FLRT2: variants seen among roughly 807,000 people sequenced by gnomAD.
FLRT2 encodes the protein fibronectin leucine rich transmembrane protein 2.
Under a neutral mutation model 40.0 loss-of-function variants are expected in FLRT2, and 15 were observed. The ratio of observed to expected loss-of-function variants is 0.38; its 90% CI spans 0.25 to 0.58. FLRT2 has a LOEUF of 0.58. FLRT2 is among the 20% of genes least tolerant of loss of function. The pLI is 0.71. For synonymous variants in FLRT2, 380 were observed against 336.8 expected (o/e 1.13, Z -1.41); for missense variants, 726 against 840.0 (o/e 0.86, Z 1.68).
chr14:85,630,557 G>T lies in FLRT2; in HGVS notation c.*7060G>T, dbSNP rs1051349387. ...TGCAGAATAAGAATGTTTTCCAGGA[G>T]AGTTAAATTTTGCTCATCAAAAATC... On this transcript the variant is annotated 3_prime_UTR_variant, in exon 2 of 2. Transcript: ENST00000330753. The T allele has an allele frequency of 6.6e-6, 1 of 152,114 alleles. No individual in the cohort carries two copies. The highest frequency in any genetic ancestry group is 2.4e-5 in the African/African-American group (1 of 41,414). 9.4% of individuals were successfully genotyped at this position (152,114 alleles called of 1,614,324 possible).
intron 1 of FLRT2, among the ~76,000 whole-genome samples, chr14:85,543,450 G>A (rs575113480): frequency 5.3e-5 from 8 of 151,952 alleles, no homozygotes; most frequent in African/African-American, 1.7e-4. Flanking sequence ...GGTAGCGGCA[G>A]TCTCCTGTCT....
At chr14:85,586,552 T>A (rs1891623198) in intron 1 of FLRT2, among the ~76,000 whole-genome samples, 1 of 151,866 alleles carries the variant, frequency 6.6e-6, no homozygotes, top group Admixed American at 6.6e-5. Context: ...AATGAACACT[T>A]AAAAAAAGAA....
At chr14:85,574,272 G>C (rs943342091) in intron 1 of FLRT2, among the ~76,000 whole-genome samples, 1 of 150,894 alleles carries the variant, frequency 6.6e-6, no homozygotes, top group Non-Finnish European at 1.5e-5. Flanking sequence ...ATGTATAATA[G>C]TATATTTAAT....
rs1447268073 is a variant in FLRT2, at chr14:85,650,838, A to C, written c.*27341A>C. 6.6e-6 allele frequency: 1 copy of C among 151,268 alleles called. No homozygotes were observed. Among genetic ancestry groups the C allele is most frequent in the Non-Finnish European group, 1.5e-5 (1 of 67,786 alleles). 9.4% of individuals were successfully genotyped at this position (151,268 alleles called of 1,614,324 possible). ...CTATATTCTTTGCAATAATTATTAAAATTTTCTTTTTCTTTTCTTTTTTTA... is the reference window on the plus strand; with the variant it reads ...CTATATTCTTTGCAATAATTATTAACATTTTCTTTTTCTTTTCTTTTTTTA... On this transcript the variant is annotated 3_prime_UTR_variant, in exon 2 of 2. Coordinates refer to ENST00000330753, the MANE Select transcript of FLRT2 (RefSeq NM_013231.6).
chr14:85,544,921 A>G (rs1310650437), intron 1 of FLRT2, among the ~76,000 whole-genome samples: 1 of 152,144 alleles, frequency 6.6e-6, no homozygotes, highest in Admixed American at 6.5e-5. Context: ...GGCTGAAAAG[A>G]GTAGAAGAGG....
chr14:85,607,576 G>A (rs1892677885), intron 1 of FLRT2, among the ~76,000 whole-genome samples: 1 of 152,132 alleles, frequency 6.6e-6, no homozygotes, highest in Non-Finnish European at 1.5e-5. Flanking sequence ...TTTTGGGGAG[G>A]CCTGGAAGCT....
In FLRT2 at chr14:85,623,141, C is replaced by T. The variant is rs759837887; in HGVS notation, c.1627C>T (p.Leu543=). 18 of 1,599,174 alleles carry T rather than the reference C, an allele frequency of 1.1e-5. No individual in the cohort carries two copies. The highest frequency in any genetic ancestry group is 2.7e-5 in the African/African-American group (2 of 74,402). Residue 543 remains leucine, a synonymous_variant, in exon 2 of 2, where the codon CTG becomes TTG. Coordinates refer to ENST00000330753, the MANE Select transcript of FLRT2 (RefSeq NM_013231.6). ...TSHSMGSPFL[L]AGLIGGAVIF... ...CCACAGCATGGGCTCCCCCTTTCTG[C>T]TGGCGGGCTTGATCGGGGGCGCGGT...
chr14:85,590,567 T>C (rs1423752811), intron 1 of FLRT2, among the ~76,000 whole-genome samples: 2 of 152,026 alleles, frequency 1.3e-5, no homozygotes, highest in Non-Finnish European at 2.9e-5. Context: ...GGAGAAGGGA[T>C]AGAGTAAGGA....
intron 1 of FLRT2, among the ~76,000 whole-genome samples, chr14:85,595,921 G>A (rs540412301): frequency 6.6e-6 from 1 of 152,198 alleles, no homozygotes; most frequent in Non-Finnish European, 1.5e-5. Flanking sequence ...CGGGCAAGAA[G>A]TGATCGTGTT....
chr14:85,540,906 G>A (rs1888948957), intron 1 of FLRT2, among the ~76,000 whole-genome samples: 2 of 152,072 alleles, frequency 1.3e-5, no homozygotes, highest in South Asian at 4.1e-4. Flanking sequence ...CTTTAAAGAG[G>A]TCTACTAATA....
intron 1 of FLRT2, among the ~76,000 whole-genome samples, chr14:85,558,537 TGAG>T (rs1333526119): frequency 2.6e-5 from 4 of 152,090 alleles, no homozygotes; most frequent in African/African-American, 7.2e-5. Context: ...TCCAGAGACA[TGAG>T]GAGAATTGAA....
intron 1 of FLRT2, among the ~76,000 whole-genome samples, chr14:85,581,221 G>A (rs1032539451): frequency 6.6e-6 from 1 of 152,170 alleles, no homozygotes; most frequent in Non-Finnish European, 1.5e-5. Context: ...AAATGGAAAT[G>A]AGGCTTATGC....
chr14:85,555,748 G>T (rs918269657), intron 1 of FLRT2, among the ~76,000 whole-genome samples: 5 of 112,084 alleles, frequency 4.5e-5, no homozygotes, highest in African/African-American at 1.5e-4. Context: ...TAGAGATGAG[G>T]TCTCACCCTG....
intron 1 of FLRT2, among the ~76,000 whole-genome samples, chr14:85,582,691 C>T (rs1212422138): frequency 2.6e-5 from 4 of 151,948 alleles, no homozygotes; most frequent in African/African-American, 9.7e-5. Context: ...ATAATCATTA[C>T]TATAATATGT....
chr14:85,606,586 G>T (rs956439561), intron 1 of FLRT2, among the ~76,000 whole-genome samples: 1 of 146,280 alleles, frequency 6.8e-6, no homozygotes, highest in Non-Finnish European at 1.5e-5. Flanking sequence ...GTGCGGTGGT[G>T]CGATCTCAGC....
chr14:85,552,548 C>T (rs760398528), intron 1 of FLRT2, among the ~76,000 whole-genome samples: 1 of 152,148 alleles, frequency 6.6e-6, no homozygotes, highest in Non-Finnish European at 1.5e-5. Flanking sequence ...TCCTATATGA[C>T]TGATCCAACT....
chr14:85,557,828 A>T (rs7401175), intron 1 of FLRT2, among the ~76,000 whole-genome samples: 109,734 of 149,152 alleles, frequency 0.74, 40,658 homozygotes, highest in East Asian at 0.86. Context: ...ATAAATAAAT[A>T]AATTAATTAA....
intron 1 of FLRT2, among the ~76,000 whole-genome samples, chr14:85,598,179 T>G (rs567191998): frequency 6.6e-6 from 1 of 152,362 alleles, no homozygotes; most frequent in South Asian, 2.1e-4. Flanking sequence ...AAGTAAAAAC[T>G]TTGCATAAGT....
chr14:85,570,870 C>G (rs11846222), intron 1 of FLRT2, among the ~76,000 whole-genome samples: 2 of 150,622 alleles, frequency 1.3e-5, no homozygotes, highest in Admixed American at 1.3e-4. Context: ...CAGGCGTGAG[C>G]CACCACGCCC....
Sources: allele counts gnomAD v4.1 joint callset (sites outside exome capture counted in the v4.1 genomes callset), GRCh38; gene constraint gnomAD v4.1.1; transcripts MANE v1.5; gene names NCBI Gene and HGNC (gene_info 2026-07-23, HGNC 2026-07-21).